The following UGT1A8 variants were observed in gnomAD, a reference collection of about 807,000 sequenced individuals.
UGT1A8 encodes UDP glucuronosyltransferase family 1 member A8, also known as UDP-glucuronosyltransferase 1A8.
In UGT1A8, 39 loss-of-function variants were observed where a neutral mutation model predicts 45.3. That is an observed-to-expected ratio of 0.86 (90% CI 0.67 to 1.12). The LOEUF (loss-of-function observed/expected upper bound fraction) is 1.12. Ranked by LOEUF, UGT1A8 falls within the 50% of genes most tolerant of loss-of-function variation. UGT1A8 has a pLI of 0.00. For missense variants in UGT1A8, 719 were observed against 664.9 expected (o/e 1.08, Z -0.90); for synonymous variants, 275 against 249.2 (o/e 1.10, Z -0.97).
intron 1 of UGT1A8, among the ~76,000 whole-genome samples, chr2:233,622,197 G>T (rs184726344): frequency 4.6e-5 from 7 of 152,142 alleles, no homozygotes; most frequent in African/African-American, 1.7e-4. Flanking sequence ...ACATACGTGT[G>T]CATGTGTCTT....
chr2:233,706,413 C>T (rs1371560108), intron 1 of UGT1A8, among the ~76,000 whole-genome samples: 2 of 152,242 alleles, frequency 1.3e-5, no homozygotes, highest in Admixed American at 6.5e-5. Context: ...TCAAACTTCA[C>T]GTGGTCTTTC....
intron 1 of UGT1A8, among the ~76,000 whole-genome samples, chr2:233,707,757 T>A (rs1165246358): frequency 2.6e-5 from 4 of 152,186 alleles, no homozygotes; most frequent in African/African-American, 9.7e-5. Flanking sequence ...CTGAAACACA[T>A]GTGAGTGGGT....
chr2:233,747,699 A>G lies in UGT1A8; in HGVS notation c.856-19335A>G. 2.5e-6 allele frequency: 4 copies of G among 1,611,746 alleles called. No individual in the cohort carries two copies. In the South Asian group the frequency reaches 3.3e-5, roughly 13 times the overall value. On this transcript the variant is annotated intron_variant, in intron 1 of 4. Coordinates refer to ENST00000373450, the MANE Select transcript of UGT1A8 (RefSeq NM_019076.5). ...TTACCTCTGTGGGGCAGTGCTGGCT[A>G]AGTACCTATCAATTCCTGCTGTGTT...
chr2:233,637,093 C>T, intron 1 of UGT1A8: 4 of 1,613,910 alleles, frequency 2.5e-6, no homozygotes, highest in Non-Finnish European at 3.4e-6. Context: ...TTCCTATGTC[C>T]CCAATGATCT....
rs186747767 is a variant in UGT1A8 at position 233,742,893 on chromosome 2, C to T, written c.856-24141C>T. ...AACCACCTGGCTCACACTTTCCCAA[C>T]GGAAAAAGGTAATGCTCAAAGTGCT... On this transcript the variant is annotated intron_variant, in intron 1 of 4. Transcript: ENST00000373450. The T allele has an allele frequency of 2.6e-3, 421 of 164,252 alleles. 10 individuals carry two copies. The highest frequency in any genetic ancestry group is 8.8e-3 in the African/African-American group (363 of 41,448). 10.2% of individuals were successfully genotyped at this position (164,252 alleles called of 1,614,324 possible). A position where few individuals can be genotyped will look rare whatever the true frequency, so the allele number is the denominator to read the frequency against.
intron 1 of UGT1A8, among the ~76,000 whole-genome samples, chr2:233,705,254 C>G (rs2075836085): frequency 6.6e-6 from 1 of 151,940 alleles, no homozygotes; most frequent in African/African-American, 2.4e-5. Context: ...TCAGATTATT[C>G]TATGGGGTCA....
chr2:233,644,030 G>A (rs2073533219), intron 1 of UGT1A8, among the ~76,000 whole-genome samples: 1 of 152,190 alleles, frequency 6.6e-6, no homozygotes, highest in African/African-American at 2.4e-5. Context: ...GAGGAGTGAT[G>A]TCGGTACTCC....
At chr2:233,707,112 T>C (rs542800224) in intron 1 of UGT1A8, among the ~76,000 whole-genome samples, 1 of 152,242 alleles carries the variant, frequency 6.6e-6, no homozygotes, top group South Asian at 2.1e-4. Context: ...ACCCCCAAAA[T>C]ACTCTGCATT....
At chr2:233,656,476 T>C (rs1350213074) in intron 1 of UGT1A8, among the ~76,000 whole-genome samples, 4 of 152,230 alleles carry the variant, frequency 2.6e-5, no homozygotes, top group Non-Finnish European at 5.9e-5. Flanking sequence ...TGTTTTTCTC[T>C]AGACCTGTGC....
At chr2:233,669,976 C>T (rs540454280) in intron 1 of UGT1A8, among the ~76,000 whole-genome samples, 17 of 152,234 alleles carry the variant, frequency 1.1e-4, no homozygotes, top group South Asian at 2.1e-4. Flanking sequence ...TGAGCCACCA[C>T]GCCCAGCACA....
chr2:233,761,293 G>A, intron 1 of UGT1A8: 1 of 1,522,614 alleles, frequency 6.6e-7, no homozygotes, highest in African/African-American at 1.4e-5. Context: ...TTGACTCCTA[G>A]GTTTGAGTCT....
rs567256454 is a variant in UGT1A8 at position 233,740,487 on chromosome 2, A to G, written c.856-26547A>G. Among the ~76,000 whole-genome samples the G allele has an allele frequency of 3.4e-4, 52 of 152,072 alleles. 1 individual carries two copies. In the South Asian group the frequency reaches 4.6e-3, roughly 13 times the overall value. The stretch of plus-strand genomic sequence containing the variant: ...GACAGAAAGGATCATTCCCTCTTCC[A>G]GATGCTTTCCAGTGTGTGATGTAAG... On this transcript the variant is annotated intron_variant, in intron 1 of 4. Transcript: ENST00000373450.
intron 1 of UGT1A8, among the ~76,000 whole-genome samples, chr2:233,726,110 G>C (rs2077503399): frequency 6.6e-6 from 1 of 152,164 alleles, no homozygotes; most frequent in Non-Finnish European, 1.5e-5. Context: ...AGGCTGCAGT[G>C]TGCCATGTTC....
chr2:233,687,123 C>T (rs1356215553), intron 1 of UGT1A8, among the ~76,000 whole-genome samples: 7 of 152,126 alleles, frequency 4.6e-5, no homozygotes, highest in East Asian at 3.8e-4. Flanking sequence ...AAAAACTCAG[C>T]GTTATCTAGA....
intron 1 of UGT1A8, chr2:233,760,271 G>GC: frequency 2.5e-6 from 4 of 1,612,226 alleles, no homozygotes; most frequent in Non-Finnish European, 3.4e-6. Context: ...CGAACCTCTG[G>GC]CAGGAGCAAA....
intron 1 of UGT1A8, chr2:233,689,841 A>G (rs531695215): frequency 4.6e-5 from 21 of 454,008 alleles, no homozygotes; most frequent in Admixed American, 3.8e-4. Flanking sequence ...ACTTTCTTGG[A>G]TATTGTTTTA....
intron 1 of UGT1A8, among the ~76,000 whole-genome samples, chr2:233,700,967 G>A (rs1055144639): frequency 1.3e-5 from 2 of 152,032 alleles, no homozygotes; most frequent in Non-Finnish European, 2.9e-5. Context: ...AGAACATGCG[G>A]TGTTTGATTT....
chr2:233,676,702 C>G (rs748281452), intron 1 of UGT1A8, among the ~76,000 whole-genome samples: 1 of 152,142 alleles, frequency 6.6e-6, no homozygotes, highest in African/African-American at 2.4e-5. Flanking sequence ...GAATGTTCCT[C>G]TAGAATGTCA....
intron 1 of UGT1A8, among the ~76,000 whole-genome samples, chr2:233,688,730 A>T (rs1008137516): frequency 1.3e-5 from 2 of 152,156 alleles, no homozygotes; most frequent in African/African-American, 4.8e-5. Context: ...AGAGTCTTTG[A>T]GTGACTGGGA....
Sources: gnomAD v4.1 joint callset for allele counts (sites outside exome capture counted in the v4.1 genomes callset) on GRCh38, gnomAD v4.1.1 for gene constraint, MANE v1.5 for transcripts, NCBI Gene and HGNC (gene_info 2026-07-23, HGNC 2026-07-21) for gene names.